Variants in ABCA12 observed in about 807,000 individuals in gnomAD.
ABCA12 encodes the protein ATP binding cassette subfamily A member 12.
A neutral mutation model predicts 293.5 loss-of-function variants in ABCA12; 156 were observed. The observed-to-expected ratio is 0.53, with a 90% CI of 0.47 to 0.61. ABCA12 has a LOEUF of 0.61. Among genes scored for constraint, ABCA12 ranks in the 20% least tolerant of loss-of-function variants. The probability of loss-of-function intolerance (pLI) is 0.00; values close to 1 mark genes in which losing one functional copy is unlikely to be tolerated. For missense variants in ABCA12, 2,797 were observed against 3,090.2 expected (o/e 0.91, Z 2.25); for synonymous variants, 1,063 against 1,108.0 (o/e 0.96, Z 0.81).
intron 7 of ABCA12, among the ~76,000 whole-genome samples, chr2:215,043,061 T>A (rs571493843): frequency 1.3e-5 from 2 of 152,154 alleles, no homozygotes; most frequent in South Asian, 4.1e-4. Flanking sequence ...TTTCTCTGTA[T>A]CCCTGCCAGC....
At chr2:214,937,366 T>C in intron 51 of ABCA12, 144 bp downstream of exon 51, 3 of 570,522 alleles carry the variant, frequency 5.3e-6, no homozygotes, top group South Asian at 3.7e-5. Flanking sequence ...GCCCAGCTAA[T>C]TTTTGTATTT....
chr2:215,128,430 C>A (rs972423941), intron 1 of ABCA12, among the ~76,000 whole-genome samples: 8 of 152,180 alleles, frequency 5.3e-5, no homozygotes, highest in African/African-American at 1.9e-4. Context: ...CTTAGGAACA[C>A]CAATTATTCT....
chr2:215,077,841 G>A (rs1294366981), intron 2 of ABCA12, among the ~76,000 whole-genome samples: 1 of 152,062 alleles, frequency 6.6e-6, no homozygotes, highest in Non-Finnish European at 1.5e-5. Context: ...TCCGAGATCG[G>A]ACCTTTTATC....
intron 2 of ABCA12, among the ~76,000 whole-genome samples, chr2:215,110,296 G>T (rs767797054): frequency 9.9e-5 from 15 of 152,254 alleles, no homozygotes; most frequent in Non-Finnish European, 2.1e-4. Flanking sequence ...GGATCACAAG[G>T]TCAGGAGATC....
At chr2:215,001,949 T>TG (rs543160181) in intron 20 of ABCA12, among the ~76,000 whole-genome samples, 1 of 152,172 alleles carries the variant, frequency 6.6e-6, no homozygotes, top group Non-Finnish European at 1.5e-5. Context: ...ACAAATACAG[T>TG]AAACCTAGGT....
chr2:214,959,064 T>A lies in ABCA12; in HGVS notation c.5899A>T (p.Ser1967Cys). The A allele has an allele frequency of 1.2e-6, 2 of 1,613,906 alleles. No individual in the cohort carries two copies. Among genetic ancestry groups the A allele is most frequent in the Non-Finnish European group, 1.7e-6 (2 of 1,179,776 alleles). Residue 1967 changes from serine (S) to cysteine (C), a missense_variant, in exon 40 of 53, where the codon AGC (serine) becomes TGC (cysteine). Around this residue, in one of 3 missense-constraint regions of ABCA12, gnomAD observed 2,130 missense variants for 2,427.0 expected, o/e 0.88. Coordinates refer to ENST00000272895, the MANE Select transcript of ABCA12 (RefSeq NM_173076.3). ...DAARHGIIMY[S>C]HPYPGVQDQE... ...TCTTGCACTCCTGGATAAGGATGGCTATACATGATGATGCCTTAAAGACGA... is the reference window on the plus strand; with the variant it reads ...TCTTGCACTCCTGGATAAGGATGGCAATACATGATGATGCCTTAAAGACGA...
chr2:214,980,947 T>A (rs1699634912), intron 30 of ABCA12, among the ~76,000 whole-genome samples: 1 of 151,876 alleles, frequency 6.6e-6, no homozygotes, highest in South Asian at 2.1e-4. Context: ...TAGCTGGGTG[T>A]GGTGGCGGAT....
At chr2:215,039,363 T>C (rs1312639207) in intron 7 of ABCA12, among the ~76,000 whole-genome samples, 2 of 152,242 alleles carry the variant, frequency 1.3e-5, no homozygotes, top group Non-Finnish European at 2.9e-5. Flanking sequence ...GAGAAAATTA[T>C]GGCTTTTAGT....
chr2:215,122,496 T>C (rs1702828638), intron 1 of ABCA12, among the ~76,000 whole-genome samples: 1 of 152,208 alleles, frequency 6.6e-6, no homozygotes, highest in Non-Finnish European at 1.5e-5. Flanking sequence ...GAAGCAAAGT[T>C]TTCCTCTTTC....
At chr2:215,099,295 T>C (rs1040523182) in intron 2 of ABCA12, among the ~76,000 whole-genome samples, 16 of 152,228 alleles carry the variant, frequency 1.1e-4, no homozygotes, top group Admixed American at 7.2e-4. Flanking sequence ...GAAACAGATC[T>C]TCCAGCCCTA....
intron 1 of ABCA12, among the ~76,000 whole-genome samples, chr2:215,122,062 G>T (rs530714660): frequency 1.3e-5 from 2 of 152,128 alleles, no homozygotes; most frequent in African/African-American, 4.8e-5. Flanking sequence ...TGTGAAATCC[G>T]TACTTATAGA....
At chr2:214,989,279 T>G in intron 26 of ABCA12, 50 bp downstream of exon 26, 1 of 1,591,974 alleles carries the variant, frequency 6.3e-7, no homozygotes, top group Non-Finnish European at 8.6e-7. Context: ...AGTTGATTTA[T>G]ATTGAAGTCA....
At chr2:214,942,635 AACTGTTT>A (rs1358653250) in intron 50 of ABCA12, among the ~76,000 whole-genome samples, 10 of 152,156 alleles carry the variant, frequency 6.6e-5, no homozygotes, top group Non-Finnish European at 1.2e-4. Context: ...TTTGGTTATG[AACTGTTT>A]ATTATTTATT....
intron 2 of ABCA12, among the ~76,000 whole-genome samples, chr2:215,091,084 G>T (rs1451760566): frequency 6.6e-6 from 1 of 151,916 alleles, no homozygotes; most frequent in Non-Finnish European, 1.5e-5. Context: ...TTTACACATT[G>T]GTCCCTCCCT....
At chr2:215,050,881 G>T (rs1478678483) in intron 5 of ABCA12, 5 of 899,974 alleles carry the variant, frequency 5.6e-6, no homozygotes, top group Non-Finnish European at 6.6e-6. Context: ...TGCTGACATA[G>T]GCATCAATAT....
chr2:215,079,156 C>T (rs147271101), intron 2 of ABCA12, among the ~76,000 whole-genome samples: 12 of 152,286 alleles, frequency 7.9e-5, no homozygotes, highest in Non-Finnish European at 1.8e-4. Context: ...GCAGAGATAA[C>T]AGATACTAAA....
chr2:215,052,651 GA>G (rs1701343598), intron 4 of ABCA12, 67 bp from the exon 5 acceptor site: 4 of 1,328,392 alleles, frequency 3.0e-6, no homozygotes, highest in Non-Finnish European at 4.3e-6. Context: ...GACCACATGA[GA>G]ATCCATAAAC....
chr2:215,122,354 T>C (rs1270544408), intron 1 of ABCA12, among the ~76,000 whole-genome samples: 1 of 152,206 alleles, frequency 6.6e-6, no homozygotes, highest in Non-Finnish European at 1.5e-5. Context: ...ATTGATCACA[T>C]AGTTGAGTAA....
At chr2:215,088,607 T>C (rs986595706) in intron 2 of ABCA12, among the ~76,000 whole-genome samples, 2 of 152,214 alleles carry the variant, frequency 1.3e-5, no homozygotes, top group Non-Finnish European at 2.9e-5. Context: ...CTGGATTTGA[T>C]TCATTTTTCA....
Sources: allele counts gnomAD v4.1 joint callset (sites outside exome capture counted in the v4.1 genomes callset), GRCh38; gene constraint gnomAD v4.1.1; regional missense constraint gnomAD v4.1.1; transcripts MANE v1.5; gene names NCBI Gene and HGNC (gene_info 2026-07-23, HGNC 2026-07-21).